Variants in DNAAF4 observed in about 807,000 individuals in gnomAD.
DNAAF4 encodes dynein assembly factor 4, axonemal.
DNAAF4 carries 43 observed loss-of-function variants against 51.8 expected under a neutral mutation model. The ratio of observed to expected loss-of-function variants is 0.83; its 90% CI spans 0.65 to 1.07. DNAAF4 has a LOEUF of 1.07. Among genes scored for constraint, DNAAF4 ranks in the 50% least tolerant of loss-of-function variants. The probability of loss-of-function intolerance (pLI) is 0.00; values close to 1 mark genes in which losing one functional copy is unlikely to be tolerated. For synonymous variants in DNAAF4, 194 were observed against 165.6 expected, an observed-to-expected ratio of 1.17 and a Z score of -1.32; for missense variants, 581 against 493.0, an observed-to-expected ratio of 1.18 and a Z score of -1.69.
intron 4 of DNAAF4, among the ~76,000 whole-genome samples, chr15:55,483,436 A>C (rs1446518776): frequency 6.6e-6 from 1 of 152,116 alleles, no homozygotes; most frequent in Admixed American, 6.6e-5. Flanking sequence ...CCAGAATTAC[A>C]TAGTGGTGAT....
chr15:55,491,246 CTCTT>C lies in DNAAF4; in HGVS notation c.278_281del (p.Lys93ArgfsTer2). ...ATTTTTCTCTAATTCTTTGCATCAT[CTCTT>C]TGTCAACTAAAATGTACAGAATATT... On this transcript the variant is annotated frameshift_variant, in exon 4 of 10. Coordinates refer to ENST00000321149, the MANE Select transcript of DNAAF4 (RefSeq NM_130810.4). LOFTEE classifies it high-confidence loss of function. 1 of 1,612,124 alleles carries C rather than the reference CTCTT, an allele frequency of 6.2e-7. No homozygotes were observed. Among genetic ancestry groups the C allele is most frequent in the South Asian group, 1.1e-5 (1 of 90,782 alleles).
chr15:55,473,914 C>A (rs2058301853), intron 4 of DNAAF4, among the ~76,000 whole-genome samples: 1 of 152,128 alleles, frequency 6.6e-6, no homozygotes, highest in African/African-American at 2.4e-5. Context: ...ATCTCTTGAA[C>A]CTGGGAGGTG....
intron 5 of DNAAF4, among the ~76,000 whole-genome samples, chr15:55,459,690 TTTTC>T (rs778771109): frequency 1.1e-4 from 16 of 149,856 alleles, no homozygotes; most frequent in Admixed American, 4.0e-4. Flanking sequence ...AGCTATTCTT[TTTTC>T]TTTCTTTCTT....
At position 55,435,035 on chromosome 15, in the gene DNAAF4, T is replaced by G. The variant is rs114329118; in HGVS notation, c.917A>C (p.Tyr306Ser). The G allele has an allele frequency of 3.8e-6, 6 of 1,597,402 alleles. No homozygotes were observed. Among genetic ancestry groups the G allele is most frequent in the Non-Finnish European group, 5.1e-6 (6 of 1,175,472 alleles). ...ATTATATGCATTGATAGCTGCCAAA[T>G]AGTTTTCCGTTGCAAACAATTTGCT... is the stretch of plus-strand genomic sequence containing the variant. Reference protein sequence around the residue: ...KGNKLFATENYLAAINAYNLA... With the variant: ...KGNKLFATENSLAAINAYNLA... The change falls in exon 8 of 10, where the codon TAT (tyrosine) becomes TCT (serine). Residue 306 changes from tyrosine to serine, a missense_variant. Tyr to Ser is a moderately radical substitution (Grantham distance 144). Coordinates refer to ENST00000321149, the MANE Select transcript of DNAAF4 (RefSeq NM_130810.4).
At chr15:55,423,448 G>T (rs1220278536) in intron 7 of DNAAF4, among the ~76,000 whole-genome samples, 1 of 152,054 alleles carries the variant, frequency 6.6e-6, no homozygotes, top group Non-Finnish European at 1.5e-5. Context: ...CTGGGCTCAA[G>T]TTATCCTCCC....
At chr15:55,499,944 A>C (rs1255820011) in intron 1 of DNAAF4, among the ~76,000 whole-genome samples, 1 of 152,178 alleles carries the variant, frequency 6.6e-6, no homozygotes, top group Non-Finnish European at 1.5e-5. Flanking sequence ...TGCTTTCTGC[A>C]CACCCAGTTT....
intron 4 of DNAAF4, among the ~76,000 whole-genome samples, chr15:55,488,870 C>T (rs757199615): frequency 1.3e-5 from 2 of 152,118 alleles, no homozygotes; most frequent in South Asian, 4.1e-4. Context: ...GGGCAGATCA[C>T]GAGGTTAGGA....
intron 7 of DNAAF4, among the ~76,000 whole-genome samples, chr15:55,436,405 G>T (rs1287586658): frequency 6.6e-6 from 1 of 151,150 alleles, no homozygotes; most frequent in East Asian, 1.9e-4. Flanking sequence ...TTATTTTTTT[G>T]AGCAGTCTTG....
chr15:55,430,164 A>T (rs2057472599), downstream of DNAAF4: 1 of 161,346 alleles, frequency 6.2e-6, no homozygotes, highest in African/African-American at 2.4e-5. Context: ...GAACTGGTCT[A>T]ATCTTGAACA....
intron 3 of DNAAF4, among the ~76,000 whole-genome samples, chr15:55,494,912 T>C (rs1264556939): frequency 1.3e-5 from 2 of 152,184 alleles, no homozygotes; most frequent in South Asian, 4.1e-4. Flanking sequence ...TCATTGTCCA[T>C]AAATATGAAT....
chr15:55,461,774 G>C (rs1042870088), intron 5 of DNAAF4, among the ~76,000 whole-genome samples: 8 of 151,622 alleles, frequency 5.3e-5, no homozygotes, highest in African/African-American at 1.7e-4. Context: ...CACAAGAAAA[G>C]AAATAACAAA....
chr15:55,418,221 A>G (rs1165635478), intron 7 of DNAAF4: 9 of 1,569,544 alleles, frequency 5.7e-6, no homozygotes, highest in Admixed American at 1.9e-5. Flanking sequence ...TTTATCTTTT[A>G]GGATAAGAAA....
chr15:55,455,618 G>A (rs1486214623), intron 5 of DNAAF4, among the ~76,000 whole-genome samples: 1 of 151,854 alleles, frequency 6.6e-6, no homozygotes, highest in Admixed American at 6.6e-5. Flanking sequence ...TTTTAGTAGA[G>A]ACAGGGTTTC....
At position 55,432,520 on chromosome 15, in the gene DNAAF4, C is replaced by A; in HGVS notation, c.1130G>T (p.Cys377Phe). 2 of 1,610,956 alleles carry A rather than the reference C, an allele frequency of 1.2e-6. No individual in the cohort carries two copies. Among genetic ancestry groups the A allele is most frequent in the Non-Finnish European group, 1.7e-6 (2 of 1,178,034 alleles). The change falls in exon 9 of 10, where the codon TGT becomes TTT. Residue 377 changes from cysteine (C) to phenylalanine (F), a missense_variant. Coordinates refer to ENST00000321149, the MANE Select transcript of DNAAF4 (RefSeq NM_130810.4). ...ACCTTCTACATACAATTCTAGTTGA[C>A]AGAATGCTGTTCCACGTCGTACATG... is the stretch of plus-strand genomic sequence containing the variant. Reference protein sequence around the residue: ...KAHVRRGTAFCQLELYVEGLQ... With the variant: ...KAHVRRGTAFFQLELYVEGLQ...
At chr15:55,485,021 T>A (rs1038298309) in intron 4 of DNAAF4, among the ~76,000 whole-genome samples, 2 of 152,122 alleles carry the variant, frequency 1.3e-5, no homozygotes, top group African/African-American at 4.8e-5. Context: ...TTCAATCCAA[T>A]CAGTTGACAG....
intron 7 of DNAAF4, among the ~76,000 whole-genome samples, chr15:55,437,215 A>G (rs1228318826): frequency 1.3e-5 from 2 of 152,208 alleles, no homozygotes; most frequent in Non-Finnish European, 1.5e-5. Flanking sequence ...TTAAGTGCCT[A>G]TAGTCTGGCA....
intron 4 of DNAAF4, among the ~76,000 whole-genome samples, chr15:55,470,992 C>G (rs1285841437): frequency 6.6e-6 from 1 of 151,280 alleles, no homozygotes; most frequent in Admixed American, 6.6e-5. Flanking sequence ...TAGTTGGGAC[C>G]ACAGGCCCGC....
chr15:55,439,548 T>C lies in DNAAF4; in HGVS notation c.817A>G (p.Met273Val). 2 of 1,614,096 alleles carry C rather than the reference T, an allele frequency of 1.2e-6. No homozygotes were observed. Among genetic ancestry groups the C allele is most frequent in the Non-Finnish European group, 8.5e-7 (1 of 1,179,998 alleles). Reference protein sequence around the residue: ...LHKQAEARRAMNTDIAELCDL... With the variant: ...LHKQAEARRAVNTDIAELCDL... ...CAAAGTTCAGCTATGTCAGTATTCATTGCTCTTCGTGCCTCAGCTTGTTTG... is the reference window on the plus strand; with the variant it reads ...CAAAGTTCAGCTATGTCAGTATTCACTGCTCTTCGTGCCTCAGCTTGTTTG... Residue 273 changes from methionine (M) to valine (V), a missense_variant, in exon 7 of 10, where the codon ATG (methionine) becomes GTG (valine). Transcript: ENST00000321149.
At chr15:55,433,978 T>TTAGAA (rs2057561445) in intron 8 of DNAAF4, among the ~76,000 whole-genome samples, 1 of 20,116 alleles carries the variant, frequency 5.0e-5, no homozygotes. Context: ...ATTTTATATA[T>TTAGAA]TATATATAAT....
Sources: allele counts gnomAD v4.1 joint callset (sites outside exome capture counted in the v4.1 genomes callset), GRCh38; gene constraint gnomAD v4.1.1; transcripts MANE v1.5; gene names NCBI Gene and HGNC (gene_info 2026-07-23, HGNC 2026-07-21).